Variants in TMEM131L observed in about 807,000 individuals in gnomAD.
TMEM131L encodes the protein transmembrane protein 131-like.
Under a neutral mutation model 192.2 loss-of-function variants are expected in TMEM131L, and 54 were observed. That is an observed-to-expected ratio of 0.28 (90% CI 0.23 to 0.35). The LOEUF (loss-of-function observed/expected upper bound fraction) is 0.35, where lower values mean the gene tolerates loss of function less well. Among genes scored for constraint, TMEM131L ranks in the 10% least tolerant of loss-of-function variants. The pLI is 1.00. For missense variants in TMEM131L, 1,888 were observed against 1,972.9 expected (o/e 0.96, Z 0.82); for synonymous variants, 701 against 704.9 (o/e 0.99, Z 0.09).
In TMEM131L at chr4:153,592,548, C is replaced by G; in HGVS notation, c.1886C>G (p.Pro629Arg). The change falls in exon 18 of 35, where the codon CCT (proline) becomes CGT (arginine). Residue 629 changes from proline to arginine, a missense_variant. Pro to Arg is a moderately radical substitution (Grantham distance 103). Transcript: ENST00000409959. ...SLQLLPLSLY[P>R]KPEALVHLLH... ...CAGCTCCTGCCTCTCTCCTTGTACC[C>G]TAAACCCGAAGCCCTAGTGCACCTG... 6.2e-7 allele frequency: 1 copy of G among 1,614,142 alleles called. No individual in the cohort carries two copies. The highest frequency in any genetic ancestry group is 8.5e-7 in the Non-Finnish European group (1 of 1,179,988).
At chr4:153,624,605 G>T (rs774099281) in intron 29 of TMEM131L, among the ~76,000 whole-genome samples, 3 of 152,224 alleles carry the variant, frequency 2.0e-5, no homozygotes, top group Non-Finnish European at 4.4e-5. Flanking sequence ...CACGCCCCGT[G>T]AGAAGGGCAG....
chr4:153,560,563 C>T (rs935496986), intron 7 of TMEM131L, among the ~76,000 whole-genome samples: 4 of 152,220 alleles, frequency 2.6e-5, no homozygotes. Context: ...CAAAGTTGTG[C>T]AGCCCTCACG....
At chr4:153,594,919 C>T (rs1000195309) in intron 19 of TMEM131L, among the ~76,000 whole-genome samples, 2 of 152,140 alleles carry the variant, frequency 1.3e-5, no homozygotes, top group South Asian at 4.1e-4. Flanking sequence ...TGATATCTTG[C>T]CTCACTGGTA....
chr4:153,486,045 A>G (rs1055415696), intron 3 of TMEM131L, among the ~76,000 whole-genome samples: 3 of 152,212 alleles, frequency 2.0e-5, no homozygotes, highest in East Asian at 1.9e-4. Context: ...CACTTTCCCA[A>G]TTAGATGTAC....
intron 31 of TMEM131L, 193 bp from the exon 32 acceptor site, chr4:153,632,525 A>G: frequency 3.4e-6 from 2 of 594,794 alleles, no homozygotes; most frequent in Non-Finnish European, 5.8e-6. Flanking sequence ...ACAATCGGAC[A>G]CTGTCTGAAG....
rs146350399 is a variant in TMEM131L, at chr4:153,550,919, C to T, written c.308+778C>T. Among the ~76,000 whole-genome samples, 141 of 152,118 alleles carry T rather than the reference C, an allele frequency of 9.3e-4. 5 individuals carry two copies. The highest frequency in any genetic ancestry group is 8.8e-3 in the Admixed American group (134 of 15,282). ...GACTTTACAGTATCATGTAAAGAAC[C>T]GCAAGATGAAGACAGTGTGATATGA... On this transcript the variant is annotated intron_variant, in intron 4 of 34. Transcript: ENST00000409959.
chr4:153,503,623 A>G (rs1733758986), intron 3 of TMEM131L, among the ~76,000 whole-genome samples: 1 of 152,208 alleles, frequency 6.6e-6, no homozygotes, highest in Non-Finnish European at 1.5e-5. Flanking sequence ...GACTCAGGAC[A>G]AAGAGTCATG....
intron 7 of TMEM131L, among the ~76,000 whole-genome samples, chr4:153,562,512 A>G (rs999118992): frequency 6.6e-6 from 1 of 152,192 alleles, no homozygotes; most frequent in Non-Finnish European, 1.5e-5. Flanking sequence ...AAAGTTGTCA[A>G]CTGTTCTTAG....
intron 3 of TMEM131L, among the ~76,000 whole-genome samples, chr4:153,518,198 A>G (rs1162224644): frequency 1.3e-5 from 2 of 152,198 alleles, no homozygotes; most frequent in African/African-American, 4.8e-5. Flanking sequence ...GCGTTCTCAC[A>G]CAGTCCTTGG....
At position 153,605,589 on chromosome 4, in the gene TMEM131L, G is replaced by A. The variant is rs75259833; in HGVS notation, c.3418+1159G>A. ...TCACCATGTTAGCCAGGCTGAGCTC[G>A]AGCAATCTGCCTGCCTTGGCCTCCT... On this transcript the variant is annotated intron_variant, in intron 25 of 34. Transcript: ENST00000409959. 2.6e-5 allele frequency among the ~76,000 whole-genome samples: 4 copies of A among 152,092 alleles called. No homozygotes were observed. The South Asian group carries it at 6.2e-4, about 24-fold the overall frequency.
intron 3 of TMEM131L, among the ~76,000 whole-genome samples, chr4:153,486,994 A>G (rs1190023153): frequency 6.6e-6 from 1 of 152,208 alleles, no homozygotes; most frequent in Admixed American, 6.5e-5. Context: ...CCAGGGACCT[A>G]AATCAGCATC....
chr4:153,499,458 C>T (rs972813543), intron 3 of TMEM131L, among the ~76,000 whole-genome samples: 4 of 148,840 alleles, frequency 2.7e-5, no homozygotes, highest in African/African-American at 7.4e-5. Context: ...AGATGCGTCT[C>T]GCTCTGTTGC....
At chr4:153,566,518 A>AGTGTGTGTGTGTGTGT (rs35949558) in intron 7 of TMEM131L, among the ~76,000 whole-genome samples, 1 of 145,758 alleles carries the variant, frequency 6.9e-6, no homozygotes, top group South Asian at 2.2e-4. Context: ...TGTGAGTGTG[A>AGTGTGTGTGTGTGTGT]GTGTGTGTGT....
chr4:153,564,219 G>A (rs530220545), intron 7 of TMEM131L, among the ~76,000 whole-genome samples: 2 of 149,812 alleles, frequency 1.3e-5, no homozygotes, highest in East Asian at 3.9e-4. Context: ...AACCCGGGAG[G>A]CGGAGGTTGC....
chr4:153,583,553 T>C lies in TMEM131L; in HGVS notation c.952-11T>C. On this transcript the variant is annotated splice_polypyrimidine_tract_variant and intron_variant, in intron 10 of 34. Coordinates refer to ENST00000409959, the MANE Select transcript of TMEM131L (RefSeq NM_001131007.2). ...TGAGAGTAGTCACATGGGACTTTTCTTTTATTTCAGGATATACGCCATTTC... is the reference window on the plus strand; with the variant it reads ...TGAGAGTAGTCACATGGGACTTTTCCTTTATTTCAGGATATACGCCATTTC... 1 of 1,583,464 alleles carries C rather than the reference T, an allele frequency of 6.3e-7. No individual in the cohort carries two copies. Among genetic ancestry groups the C allele is most frequent in the Non-Finnish European group, 8.7e-7 (1 of 1,153,040 alleles).
rs535453983 is a variant in TMEM131L at position 153,491,651 on chromosome 4, G to C, written c.239+17763G>C. Among the ~76,000 whole-genome samples the C allele has an allele frequency of 8.6e-5, 13 of 152,004 alleles. No individual in the cohort carries two copies. In the East Asian group the frequency reaches 2.5e-3, roughly 29 times the overall value. On this transcript the variant is annotated intron_variant, in intron 3 of 34. Coordinates refer to ENST00000409959, the MANE Select transcript of TMEM131L (RefSeq NM_001131007.2). Reference sequence around the variant, plus strand: ...CTTATATACACATTTAATATAATTAGTCTCTGGATATTTGGATTATTTTTT... The same window carrying C: ...CTTATATACACATTTAATATAATTACTCTCTGGATATTTGGATTATTTTTT...
At chr4:153,526,597 G>C (rs1447567415) in intron 3 of TMEM131L, among the ~76,000 whole-genome samples, 1 of 152,102 alleles carries the variant, frequency 6.6e-6, no homozygotes, top group African/African-American at 2.4e-5. Flanking sequence ...AATTAGCCGG[G>C]CGTGGTGGCG....
chr4:153,580,583 G>A (rs1163657088), intron 7 of TMEM131L, among the ~76,000 whole-genome samples: 4 of 152,146 alleles, frequency 2.6e-5, no homozygotes, highest in Non-Finnish European at 5.9e-5. Flanking sequence ...CATGTTGCCC[G>A]AGGGAGAACT....
intron 7 of TMEM131L, among the ~76,000 whole-genome samples, chr4:153,569,217 A>G (rs1441497282): frequency 1.3e-5 from 2 of 152,156 alleles, no homozygotes; most frequent in Non-Finnish European, 2.9e-5. Context: ...ACCCTTTGGA[A>G]TTACCTGTTA....
Sources: allele counts gnomAD v4.1 joint callset (sites outside exome capture counted in the v4.1 genomes callset), GRCh38; gene constraint gnomAD v4.1.1; transcripts MANE v1.5; gene names NCBI Gene and HGNC (gene_info 2026-07-23, HGNC 2026-07-21).